The following ADGRE1 variants were observed in gnomAD, a reference collection of about 807,000 sequenced individuals.
The protein encoded by ADGRE1 is adhesion G protein-coupled receptor E1, also known as EGF-like module receptor 1.
ADGRE1 carries 82 observed loss-of-function variants against 102.7 expected under a neutral mutation model. The ratio of observed to expected loss-of-function variants is 0.80; its 90% CI spans 0.67 to 0.96. The LOEUF is 0.96. ADGRE1 is among the 40% of genes least tolerant of loss of function. ADGRE1 has a pLI of 0.00. For missense variants in ADGRE1, 1,032 were observed against 1,085.3 expected, an observed-to-expected ratio of 0.95 and a Z score of 0.69; for synonymous variants, 398 against 399.6, an observed-to-expected ratio of 1.00 and a Z score of 0.05.
chr19:6,894,007 A>T (rs1250675841), intron 2 of ADGRE1, among the ~76,000 whole-genome samples: 4 of 152,158 alleles, frequency 2.6e-5, no homozygotes, highest in Non-Finnish European at 4.4e-5. Context: ...CTTACATCAC[A>T]TCACTCTGAC....
chr19:6,916,247 A>G lies in ADGRE1; in HGVS notation c.1301-2A>G, dbSNP rs1158616413. 18 of 1,610,254 alleles carry G rather than the reference A, an allele frequency of 1.1e-5. No homozygotes were observed. The highest frequency in any genetic ancestry group is 1.5e-5 in the Non-Finnish European group (18 of 1,177,932). The stretch of plus-strand genomic sequence containing the variant: ...ATACGAACTCTCCCTTTCTCTTTTT[A>G]GACATTGAGAGCAAAGTTATCAACA... On this transcript the variant is annotated splice_acceptor_variant, in intron 11 of 20. Coordinates refer to ENST00000312053, the MANE Select transcript of ADGRE1 (RefSeq NM_001974.5). LOFTEE classifies it high-confidence loss of function.
intron 11 of ADGRE1, among the ~76,000 whole-genome samples, chr19:6,914,763 G>C (rs145087425): frequency 2.2e-4 from 34 of 152,296 alleles, no homozygotes; most frequent in Admixed American, 5.2e-4. Flanking sequence ...GGCTAGGGAG[G>C]TTAGAGAGGG....
intron 5 of ADGRE1, among the ~76,000 whole-genome samples, chr19:6,899,511 G>A (rs330884): frequency 0.058 from 8,821 of 151,514 alleles, 355 homozygotes; most frequent in Non-Finnish European, 0.092. Flanking sequence ...AAACCTTGTC[G>A]CTACTAAAAA....
intron 9 of ADGRE1, among the ~76,000 whole-genome samples, chr19:6,908,302 C>T (rs776258932): frequency 4.6e-5 from 7 of 152,168 alleles, no homozygotes; most frequent in Non-Finnish European, 1.0e-4. Flanking sequence ...TTAATAAATA[C>T]GTGGGTAAAC....
Position 6,937,226 on chromosome 19 carries a change from G to C in ADGRE1, c.2382-17G>C, listed in dbSNP as rs977673196. On this transcript the variant is annotated splice_polypyrimidine_tract_variant and intron_variant, in intron 18 of 20. Transcript: ENST00000312053. ...GCCACCTCCCAGAGCCTTACATGCT[G>C]TACATCTTCTCCCCAGGTTACTGAC... 1.4e-5 allele frequency: 23 copies of C among 1,609,472 alleles called. No homozygotes were observed. The highest frequency in any genetic ancestry group is 1.7e-5 in the Non-Finnish European group (20 of 1,177,358).
intron 2 of ADGRE1, among the ~76,000 whole-genome samples, chr19:6,892,354 A>G (rs146584947): frequency 2.6e-5 from 4 of 152,182 alleles, no homozygotes; most frequent in African/African-American, 7.2e-5. Context: ...TAGTTTTTCC[A>G]TACTCCTAAT....
intron 2 of ADGRE1, among the ~76,000 whole-genome samples, chr19:6,894,440 C>A (rs1405540204): frequency 6.6e-6 from 1 of 152,086 alleles, no homozygotes. Context: ...TCAGGGAAGG[C>A]TTCCTGGAGG....
rs369276009 is a variant in ADGRE1, at chr19:6,903,821, T to A, written c.673T>A (p.Cys225Ser). The change falls in exon 7 of 21, where the codon TGC becomes AGC. Residue 225 changes from cysteine (C) to serine (S), a missense_variant. Coordinates refer to ENST00000312053, the MANE Select transcript of ADGRE1 (RefSeq NM_001974.5). ...TCTGTACCCCACAGATATTGATGAA[T>A]GCACTGAAATGTGCCCCATCAATTC... ...LKASCEDIDE[C>S]TEMCPINSTC... 3.1e-6 allele frequency: 5 copies of A among 1,614,126 alleles called. No homozygotes were observed. The South Asian group carries it at 5.5e-5, about 18-fold the overall frequency.
intron 16 of ADGRE1, among the ~76,000 whole-genome samples, chr19:6,927,299 C>T (rs1307185003): frequency 7.3e-6 from 1 of 137,826 alleles, no homozygotes; most frequent in Non-Finnish European, 1.6e-5. Flanking sequence ...CTCCCTCCCT[C>T]TCTTCCTCCC....
chr19:6,928,395 G>C (rs1975007435), intron 17 of ADGRE1, 184 bp downstream of exon 17: 1 of 1,415,050 alleles, frequency 7.1e-7, no homozygotes. Context: ...GGAGGCTGAG[G>C]CGGGTGGATC....
intron 17 of ADGRE1, among the ~76,000 whole-genome samples, chr19:6,932,425 G>A (rs8103760): frequency 0.53 from 80,473 of 151,898 alleles, 23,217 homozygotes; most frequent in African/African-American, 0.76. Context: ...CCGAGATGGC[G>A]CCACTGCCCT....
At chr19:6,929,736 G>C (rs1975066661) in intron 17 of ADGRE1, among the ~76,000 whole-genome samples, 1 of 151,988 alleles carries the variant, frequency 6.6e-6, no homozygotes, top group Non-Finnish European at 1.5e-5. Context: ...GGCCAAGCTG[G>C]TCTCAAACTC....
intron 20 of ADGRE1, among the ~76,000 whole-genome samples, chr19:6,938,091 C>A (rs1365063837): frequency 6.6e-6 from 1 of 151,938 alleles, no homozygotes; most frequent in African/African-American, 2.4e-5. Context: ...AATCCCAACA[C>A]TTTGGGAGGC....
At chr19:6,930,475 T>G (rs1326620261) in intron 17 of ADGRE1, among the ~76,000 whole-genome samples, 4 of 152,150 alleles carry the variant, frequency 2.6e-5, no homozygotes, top group Non-Finnish European at 5.9e-5. Context: ...ACAAAGTAAG[T>G]GTATATATTT....
At chr19:6,899,071 T>C (rs1356614949) in intron 5 of ADGRE1, among the ~76,000 whole-genome samples, 4 of 152,192 alleles carry the variant, frequency 2.6e-5, no homozygotes, top group Non-Finnish European at 5.9e-5. Context: ...CTTTATAGGA[T>C]CTGTGAACTA....
At chr19:6,904,745 A>G (rs1489047654) in intron 8 of ADGRE1, among the ~76,000 whole-genome samples, 1 of 152,080 alleles carries the variant, frequency 6.6e-6, no homozygotes, top group East Asian at 1.9e-4. Flanking sequence ...TGACCTCGTG[A>G]TCAGCCCGCC....
chr19:6,905,582 A>G (rs1346377313), intron 8 of ADGRE1, among the ~76,000 whole-genome samples: 1 of 151,734 alleles, frequency 6.6e-6, no homozygotes, highest in Non-Finnish European at 1.5e-5. Flanking sequence ...TGAACTCGTG[A>G]TCTTGTGATC....
chr19:6,939,504 A>G (rs1404375400), intron 20 of ADGRE1, among the ~76,000 whole-genome samples: 1 of 152,142 alleles, frequency 6.6e-6, no homozygotes, highest in Non-Finnish European at 1.5e-5. Flanking sequence ...AAGGCTCTAA[A>G]CTAAGAATCT....
rs184249723 is a variant in ADGRE1 at position 6,905,858 on chromosome 19, T to C, written c.950-575T>C. 9.1e-4 allele frequency among the ~76,000 whole-genome samples: 138 copies of C among 152,330 alleles called. 2 individuals are homozygous for C. In the East Asian group the frequency reaches 0.011, roughly 12 times the overall value. Reference sequence around the variant, plus strand: ...ATAAAGATAATATCATCAATGTCGCTGGTTCTCCTATATGTTTCTTCTCCA... The same window carrying C: ...ATAAAGATAATATCATCAATGTCGCCGGTTCTCCTATATGTTTCTTCTCCA... On this transcript the variant is annotated intron_variant, in intron 8 of 20. Transcript: ENST00000312053.
Sources: allele counts gnomAD v4.1 joint callset (sites outside exome capture counted in the v4.1 genomes callset), GRCh38; gene constraint gnomAD v4.1.1; transcripts MANE v1.5; gene names NCBI Gene and HGNC (gene_info 2026-07-23, HGNC 2026-07-21).